The following NR6A1 variants were observed in gnomAD, a reference collection of about 807,000 sequenced individuals.
NR6A1 encodes the protein nuclear receptor subfamily 6 group A member 1.
NR6A1 carries 7 observed loss-of-function variants against 59.1 expected under a neutral mutation model. That is an observed-to-expected ratio of 0.12 (90% CI 0.07 to 0.22). The LOEUF is 0.22. NR6A1 is among the 10% of genes least tolerant of loss of function. The probability of loss-of-function intolerance (pLI) is 1.00; values close to 1 mark genes in which losing one functional copy is unlikely to be tolerated. For missense variants in NR6A1, 468 were observed against 611.6 expected (o/e 0.77, Z 2.48); for synonymous variants, 243 against 236.1 (o/e 1.03, Z -0.27).
intron 2 of NR6A1, among the ~76,000 whole-genome samples, chr9:124,672,427 C>CTACTA (rs1310897974): frequency 1.3e-5 from 2 of 151,836 alleles, no homozygotes; most frequent in African/African-American, 2.4e-5. Flanking sequence ...CCAGCCTGGC[C>CTACTA]AACATAGTGA....
intron 2 of NR6A1, among the ~76,000 whole-genome samples, chr9:124,721,538 G>A (rs1251435480): frequency 2.0e-5 from 3 of 152,130 alleles, no homozygotes; most frequent in Non-Finnish European, 4.4e-5. Context: ...GGACATAAAG[G>A]GAGGAAACAA....
intron 2 of NR6A1, among the ~76,000 whole-genome samples, chr9:124,721,862 T>C (rs1393214155): frequency 3.4e-5 from 5 of 146,824 alleles, no homozygotes; most frequent in Non-Finnish European, 1.5e-5. Flanking sequence ...AAATTAATTA[T>C]TTAATAAAGC....
intron 2 of NR6A1, among the ~76,000 whole-genome samples, chr9:124,727,154 T>C (rs1228480645): frequency 6.6e-6 from 1 of 152,222 alleles, no homozygotes; most frequent in Non-Finnish European, 1.5e-5. Flanking sequence ...ATGAAAGCTC[T>C]TTTTTGCACT....
chr9:124,651,835 T>C (rs866106464), intron 2 of NR6A1, among the ~76,000 whole-genome samples: 3 of 152,124 alleles, frequency 2.0e-5, no homozygotes, highest in Middle Eastern at 3.2e-3. Flanking sequence ...TAGTTTAAGA[T>C]CTGTGCCTCC....
At chr9:124,707,614 T>C (rs888258417) in intron 2 of NR6A1, among the ~76,000 whole-genome samples, 12 of 152,184 alleles carry the variant, frequency 7.9e-5, no homozygotes, top group Admixed American at 5.9e-4. Context: ...AATGTGCTTT[T>C]GGCAACTCTG....
intron 2 of NR6A1, among the ~76,000 whole-genome samples, chr9:124,631,680 A>C (rs916095182): frequency 6.8e-6 from 1 of 146,372 alleles, no homozygotes; most frequent in African/African-American, 2.8e-5. Flanking sequence ...TTTTAAGTTC[A>C]GGGGTACCTG....
intron 2 of NR6A1, among the ~76,000 whole-genome samples, chr9:124,570,877 G>T (rs1039278943): frequency 6.6e-6 from 1 of 152,188 alleles, no homozygotes; most frequent in Non-Finnish European, 1.5e-5. Context: ...TTTGAAGTTG[G>T]AAGTATAAAG....
chr9:124,725,649 T>C (rs1839692305), intron 2 of NR6A1, among the ~76,000 whole-genome samples: 2 of 152,144 alleles, frequency 1.3e-5, no homozygotes, highest in Admixed American at 1.3e-4. Context: ...AAATCTGTAA[T>C]ATCCTCAAAA....
chr9:124,767,367 T>C (rs976872599), intron 1 of NR6A1, among the ~76,000 whole-genome samples: 5 of 152,162 alleles, frequency 3.3e-5, no homozygotes, highest in Non-Finnish European at 1.5e-5. Flanking sequence ...GAATCAGAAC[T>C]GCTGAATGAT....
chr9:124,717,266 G>A (rs1264188631), intron 2 of NR6A1, among the ~76,000 whole-genome samples: 1 of 152,054 alleles, frequency 6.6e-6, no homozygotes, highest in Non-Finnish European at 1.5e-5. Flanking sequence ...AAAAACACAG[G>A]TCCATAAAAA....
chr9:124,577,039 G>A (rs1834621273), intron 2 of NR6A1, among the ~76,000 whole-genome samples: 1 of 152,192 alleles, frequency 6.6e-6, no homozygotes, highest in African/African-American at 2.4e-5. Context: ...CTGGGGAACA[G>A]AGCGAGACCT....
At chr9:124,573,103 G>A (rs533433210) in intron 2 of NR6A1, among the ~76,000 whole-genome samples, 91 of 152,168 alleles carry the variant, frequency 6.0e-4, no homozygotes, top group Non-Finnish European at 1.1e-3. Flanking sequence ...CGACAATGGG[G>A]TGGGAAAAAA....
At chr9:124,662,949 G>A (rs1192689390) in intron 2 of NR6A1, among the ~76,000 whole-genome samples, 2 of 152,254 alleles carry the variant, frequency 1.3e-5, no homozygotes, top group South Asian at 2.1e-4. Context: ...ATCTGTTCAG[G>A]AAAACTTAAA....
intron 1 of NR6A1, among the ~76,000 whole-genome samples, chr9:124,743,749 C>T (rs1015923071): frequency 6.6e-6 from 1 of 152,138 alleles, no homozygotes; most frequent in Non-Finnish European, 1.5e-5. Context: ...AAGGTGAAAA[C>T]GGTTTAGGAA....
chr9:124,546,795 C>T (rs968442534), intron 3 of NR6A1, among the ~76,000 whole-genome samples: 1 of 152,164 alleles, frequency 6.6e-6, no homozygotes, highest in African/African-American at 2.4e-5. Context: ...AAACTTGGAC[C>T]ATATTTTCAA....
chr9:124,673,139 T>C (rs1351160805), intron 2 of NR6A1, among the ~76,000 whole-genome samples: 4 of 152,052 alleles, frequency 2.6e-5, no homozygotes, highest in Non-Finnish European at 4.4e-5. Flanking sequence ...CTCGGCAACA[T>C]GGCAAAACTC....
intron 2 of NR6A1, chr9:124,692,428 G>T (rs763938684): frequency 1.9e-6 from 1 of 527,546 alleles, no homozygotes; most frequent in South Asian, 1.4e-5. Flanking sequence ...CTTGGGATGT[G>T]GATGGGAGAA....
rs559147894 is a variant in NR6A1 at position 124,562,746 on chromosome 9, G to A, written c.143-8176C>T. Among the ~76,000 whole-genome samples the A allele has an allele frequency of 8.5e-5, 13 of 152,258 alleles. No individual in the cohort carries two copies. The South Asian group carries it at 2.1e-3, about 24-fold the overall frequency. On this transcript the variant is annotated intron_variant, in intron 2 of 9. Coordinates refer to ENST00000487099, the MANE Select transcript of NR6A1 (RefSeq NM_033334.4). ...GACACATATTTTCAGAGGCAAAAAT[G>A]TCAAATTCAAAGGAAGTAAAATGAT... is the stretch of plus-strand genomic sequence containing the variant.
At chr9:124,578,511 T>C (rs762711085) in intron 2 of NR6A1, among the ~76,000 whole-genome samples, 44 of 152,332 alleles carry the variant, frequency 2.9e-4, no homozygotes, top group Non-Finnish European at 5.9e-4. Context: ...CATTTCATCA[T>C]CCAAACCATA....
Sources: allele counts gnomAD v4.1 joint callset (sites outside exome capture counted in the v4.1 genomes callset), GRCh38; gene constraint gnomAD v4.1.1; transcripts MANE v1.5; gene names NCBI Gene and HGNC (gene_info 2026-07-23, HGNC 2026-07-21).